Variants in NR3C2 observed in about 807,000 individuals in gnomAD.
NR3C2 encodes mineralocorticoid receptor.
In NR3C2, 15 loss-of-function variants were observed where a neutral mutation model predicts 86.4. The observed-to-expected ratio is 0.17, with a 90% CI of 0.12 to 0.27. The LOEUF is 0.27. Ranked by LOEUF, NR3C2 falls within the 10% of genes least tolerant of loss-of-function variation. The pLI, the probability that NR3C2 is intolerant of heterozygous loss-of-function variation, is 1.00. For missense variants in NR3C2, 960 were observed against 1,195.6 expected, an observed-to-expected ratio of 0.80 and a Z score of 2.91; for synonymous variants, 458 against 450.5, an observed-to-expected ratio of 1.02 and a Z score of -0.21.
At chr4:148,156,658 G>A (rs1442815698) in intron 4 of NR3C2, among the ~76,000 whole-genome samples, 1 of 150,704 alleles carries the variant, frequency 6.6e-6, no homozygotes, top group Non-Finnish European at 1.5e-5. Context: ...GGAAACAACA[G>A]GTGCTGGAGA....
At chr4:148,187,428 G>T (rs1227629455) in intron 4 of NR3C2, among the ~76,000 whole-genome samples, 1 of 151,922 alleles carries the variant, frequency 6.6e-6, no homozygotes, top group Non-Finnish European at 1.5e-5. Context: ...TTGCATTTTG[G>T]TTTTGATTTG....
intron 2 of NR3C2, among the ~76,000 whole-genome samples, chr4:148,363,701 A>C (rs1176355149): frequency 4.0e-5 from 6 of 151,674 alleles, no homozygotes; most frequent in Non-Finnish European, 8.8e-5. Context: ...GATGGGGTTT[A>C]ACTGTGTTAG....
At chr4:148,215,570 A>G (rs1385240132) in intron 3 of NR3C2, among the ~76,000 whole-genome samples, 2 of 152,210 alleles carry the variant, frequency 1.3e-5, no homozygotes, top group African/African-American at 4.8e-5. Context: ...CACTGAGGTT[A>G]AAATAGCTAT....
intron 2 of NR3C2, among the ~76,000 whole-genome samples, chr4:148,393,568 C>T (rs1747700611): frequency 6.6e-6 from 1 of 152,104 alleles, no homozygotes; most frequent in African/African-American, 2.4e-5. Context: ...GAAGACACGC[C>T]CCACCTAAAG....
chr4:148,119,010 G>A (rs187351037), intron 7 of NR3C2, among the ~76,000 whole-genome samples: 32 of 151,938 alleles, frequency 2.1e-4, no homozygotes, highest in East Asian at 5.8e-4. Context: ...AATCTATTCC[G>A]CCAGAGAGAC....
At chr4:148,088,195 A>C (rs1730901693) in intron 8 of NR3C2, among the ~76,000 whole-genome samples, 1 of 152,240 alleles carries the variant, frequency 6.6e-6, no homozygotes, top group Non-Finnish European at 1.5e-5. Flanking sequence ...GGTGATCACT[A>C]AAAAGTTAGT....
rs1322373038 is a variant in NR3C2 at position 148,346,447 on chromosome 4, A to C, written c.1758-86330T>G. 2.6e-5 allele frequency among the ~76,000 whole-genome samples: 4 copies of C among 152,184 alleles called. No homozygotes were observed. In the South Asian group the frequency reaches 8.3e-4, roughly 32 times the overall value. On this transcript the variant is annotated intron_variant, in intron 2 of 8. Coordinates refer to ENST00000358102, the MANE Select transcript of NR3C2 (RefSeq NM_000901.5). ...CGAAGGAAGAGAAGAGGATATGCTTAGCTGTAGACAGGCCGAGTCTGAAGT... is the reference window on the plus strand; with the variant it reads ...CGAAGGAAGAGAAGAGGATATGCTTCGCTGTAGACAGGCCGAGTCTGAAGT...
In NR3C2 at chr4:148,343,701, T is replaced by C. The variant is rs1006137431; in HGVS notation, c.1758-83584A>G. ...CCCTAAGAATCATTTTAAAGGTATA[T>C]GAGAAAGTTTAAAAGGTCAGATTAG... On this transcript the variant is annotated intron_variant, in intron 2 of 8. Transcript: ENST00000358102. 2.6e-5 allele frequency among the ~76,000 whole-genome samples: 4 copies of C among 152,088 alleles called. No homozygotes were observed. In the East Asian group the frequency reaches 5.8e-4, roughly 22 times the overall value.
chr4:148,112,205 A>G (rs1732076500), intron 8 of NR3C2, among the ~76,000 whole-genome samples: 1 of 152,142 alleles, frequency 6.6e-6, no homozygotes, highest in Non-Finnish European at 1.5e-5. Flanking sequence ...TATGCTGCTT[A>G]AGAAAAGTCA....
At chr4:148,143,129 C>A (rs962213602) in intron 6 of NR3C2, among the ~76,000 whole-genome samples, 9 of 152,126 alleles carry the variant, frequency 5.9e-5, no homozygotes, top group African/African-American at 1.9e-4. Context: ...GATGATCAGG[C>A]AAAATCTGTC....
At position 148,320,770 on chromosome 4, in the gene NR3C2, TTTTC is replaced by T. The variant is rs1020470478; in HGVS notation, c.1758-60657_1758-60654del. Among the ~76,000 whole-genome samples the T allele has an allele frequency of 1.3e-3, 204 of 151,916 alleles. 2 individuals are homozygous for T. Among genetic ancestry groups the T allele is most frequent in the Non-Finnish European group, 2.0e-3 (138 of 67,934 alleles). ...GCGTCTATTTGATTCTTCTCTCTTT[TTTTC>T]TTTATTAGTCTTGCTAGCGGTCTAT... On this transcript the variant is annotated intron_variant, in intron 2 of 8. Transcript: ENST00000358102.
intron 2 of NR3C2, among the ~76,000 whole-genome samples, chr4:148,382,320 A>T (rs745424612): frequency 6.6e-6 from 1 of 152,202 alleles, no homozygotes; most frequent in African/African-American, 2.4e-5. Flanking sequence ...CTGAACTAGG[A>T]GCTAAGGATA....
chr4:148,143,348 C>T (rs1733701095), intron 6 of NR3C2, among the ~76,000 whole-genome samples: 1 of 152,168 alleles, frequency 6.6e-6, no homozygotes, highest in Non-Finnish European at 1.5e-5. Context: ...TTGTCATATA[C>T]AAGTATCAGG....
At chr4:148,180,086 C>G (rs1240323952) in intron 4 of NR3C2, among the ~76,000 whole-genome samples, 1 of 151,876 alleles carries the variant, frequency 6.6e-6, no homozygotes, top group South Asian at 2.1e-4. Context: ...TTGGGAGACC[C>G]TTTAAAGACA....
chr4:148,093,466 C>T (rs768361908), intron 8 of NR3C2, among the ~76,000 whole-genome samples: 2 of 152,202 alleles, frequency 1.3e-5, no homozygotes, highest in Admixed American at 6.5e-5. Flanking sequence ...ACTTCAATAG[C>T]GTGCTCATTT....
chr4:148,346,917 G>A (rs538923209), intron 2 of NR3C2, among the ~76,000 whole-genome samples: 22 of 152,240 alleles, frequency 1.4e-4, no homozygotes, highest in African/African-American at 4.8e-4. Flanking sequence ...ACTAATGAGA[G>A]TTTGTCTCTG....
chr4:148,181,565 T>G (rs1031181187), intron 4 of NR3C2, among the ~76,000 whole-genome samples: 3 of 152,210 alleles, frequency 2.0e-5, no homozygotes, highest in Admixed American at 2.0e-4. Context: ...AAGGCATGTA[T>G]AGACCACTCC....
chr4:148,167,170 T>C (rs1734917175), intron 4 of NR3C2, among the ~76,000 whole-genome samples: 2 of 152,164 alleles, frequency 1.3e-5, no homozygotes, highest in South Asian at 2.1e-4. Flanking sequence ...CTGATGGCTT[T>C]GTTAGTGTAA....
At chr4:148,411,357 T>C (rs1226416944) in intron 2 of NR3C2, among the ~76,000 whole-genome samples, 2 of 152,162 alleles carry the variant, frequency 1.3e-5, no homozygotes, top group Non-Finnish European at 2.9e-5. Flanking sequence ...TTAAAAGATG[T>C]TAACATTTAA....
Sources: gnomAD v4.1 joint callset for allele counts (sites outside exome capture counted in the v4.1 genomes callset) on GRCh38, gnomAD v4.1.1 for gene constraint, MANE v1.5 for transcripts, NCBI Gene and HGNC (gene_info 2026-07-23, HGNC 2026-07-21) for gene names.